ELMO1: variants seen among roughly 807,000 people sequenced by gnomAD.
ELMO1 encodes the protein engulfment and cell motility protein 1.
ELMO1 carries 26 observed loss-of-function variants against 98.9 expected under a neutral mutation model. That is an observed-to-expected ratio of 0.26 (90% confidence interval 0.19 to 0.36). The LOEUF is 0.36. ELMO1 is among the 10% of genes least tolerant of loss of function. The pLI, the probability that ELMO1 is intolerant of heterozygous loss-of-function variation, is 1.00. For missense variants in ELMO1, 627 were observed against 935.2 expected (o/e 0.67, Z 4.30); for synonymous variants, 346 against 346.0 (o/e 1.00, Z 0.00).
chr7:37,195,121 G>A (rs557773279), intron 13 of ELMO1, among the ~76,000 whole-genome samples: 32 of 152,280 alleles, frequency 2.1e-4, no homozygotes, highest in African/African-American at 7.2e-4. Context: ...CAGGCTCCCT[G>A]TGTCTAGTCT....
At chr7:37,209,228 C>A (rs1009928798) in intron 13 of ELMO1, among the ~76,000 whole-genome samples, 1 of 152,172 alleles carries the variant, frequency 6.6e-6, no homozygotes, top group Non-Finnish European at 1.5e-5. Context: ...CTTCATAGCA[C>A]ACACCCCCAT....
At chr7:37,447,579 G>A (rs574550396) in intron 1 of ELMO1, among the ~76,000 whole-genome samples, 1 of 151,572 alleles carries the variant, frequency 6.6e-6, no homozygotes, top group South Asian at 2.1e-4. Flanking sequence ...TCACTGGGCG[G>A]GGAGTTCCTG....
Position 36,855,315 on chromosome 7 carries a change from C to A in ELMO1, c.*236G>T. 1 of 554,168 alleles carries A rather than the reference C, an allele frequency of 1.8e-6. No individual in the cohort carries two copies. 34.3% of individuals were successfully genotyped at this position (554,168 alleles called of 1,614,324 possible). ...GCTTTGCTCTTGTCCCACCAGTGGA[C>A]TGCAGCCATGGGAAGTGACCTGAAG... is the stretch of plus-strand genomic sequence containing the variant. On this transcript the variant is annotated 3_prime_UTR_variant, in exon 22 of 22. Transcript: ENST00000310758. This position sits in a 1 kb window ranked among gnomAD's most constrained non-coding sequence, Gnocchi z 4.2.
chr7:36,927,446 G>C (rs750733814), intron 16 of ELMO1, among the ~76,000 whole-genome samples: 1 of 152,202 alleles, frequency 6.6e-6, no homozygotes, highest in Non-Finnish European at 1.5e-5. Context: ...TTATTCCATG[G>C]AATATAATTT....
rs1792959791 is a variant in ELMO1, at chr7:37,211,375, A to G, written c.1086+11T>C. ...TGGAGGGAGAGCGCATACTGGAGAT[A>G]GCTTACTTACAATGAACCCAAGCTT... is the stretch of plus-strand genomic sequence containing the variant. On this transcript the variant is annotated intron_variant, in intron 13 of 21. Coordinates refer to ENST00000310758, the MANE Select transcript of ELMO1 (RefSeq NM_014800.11). 6.2e-7 allele frequency: 1 copy of G among 1,613,822 alleles called. No individual in the cohort carries two copies. Among genetic ancestry groups the G allele is most frequent in the Non-Finnish European group, 8.5e-7 (1 of 1,179,896 alleles).
chr7:37,301,993 T>G (rs1254313751), intron 4 of ELMO1, among the ~76,000 whole-genome samples: 2 of 152,208 alleles, frequency 1.3e-5, no homozygotes, highest in Non-Finnish European at 2.9e-5. Flanking sequence ...AAAGACACAG[T>G]TTAACCTTCG....
chr7:37,168,843 C>G (rs1351296670), intron 13 of ELMO1, among the ~76,000 whole-genome samples: 1 of 152,214 alleles, frequency 6.6e-6, no homozygotes, highest in Non-Finnish European at 1.5e-5. Flanking sequence ...CAGCTGCGTG[C>G]TGGGAGAACC....
At chr7:37,338,439 C>A (rs1299298483) in intron 2 of ELMO1, among the ~76,000 whole-genome samples, 1 of 152,150 alleles carries the variant, frequency 6.6e-6, no homozygotes, top group East Asian at 1.9e-4. Context: ...TCATCACACA[C>A]CACATCCACT....
At chr7:37,134,572 A>G (rs966490430) in intron 13 of ELMO1, among the ~76,000 whole-genome samples, 1 of 151,734 alleles carries the variant, frequency 6.6e-6, no homozygotes, top group Non-Finnish European at 1.5e-5. Flanking sequence ...AAAAAAAAAA[A>G]AAAGAAGAAA....
At chr7:37,388,019 A>G (rs1208652267) in intron 1 of ELMO1, among the ~76,000 whole-genome samples, 1 of 152,068 alleles carries the variant, frequency 6.6e-6, no homozygotes, top group Non-Finnish European at 1.5e-5. Context: ...TTTTTTGTAG[A>G]GATGGGATCT....
chr7:36,947,443 A>C (rs909449599), intron 16 of ELMO1, among the ~76,000 whole-genome samples: 12 of 152,072 alleles, frequency 7.9e-5, no homozygotes, highest in Admixed American at 4.6e-4. Context: ...TCTCCATCAC[A>C]ACCTATCAAC....
chr7:37,193,821 C>T (rs975497141), intron 13 of ELMO1, among the ~76,000 whole-genome samples: 2 of 152,204 alleles, frequency 1.3e-5, no homozygotes, highest in Non-Finnish European at 2.9e-5. Flanking sequence ...TGAGCACACA[C>T]ATGCACACAC....
chr7:37,183,339 A>G (rs1425909367), intron 13 of ELMO1, among the ~76,000 whole-genome samples: 3 of 152,256 alleles, frequency 2.0e-5, no homozygotes, highest in African/African-American at 7.2e-5. Context: ...TATGTGGTAA[A>G]TAACATTGTT....
At chr7:37,293,042 G>T (rs1432859656) in intron 4 of ELMO1, among the ~76,000 whole-genome samples, 1 of 45,110 alleles carries the variant, frequency 2.2e-5, no homozygotes, top group African/African-American at 6.0e-5. Flanking sequence ...CGGGAGGGAG[G>T]TGGGGGGGTC....
At chr7:37,182,232 C>T (rs1466902126) in intron 13 of ELMO1, among the ~76,000 whole-genome samples, 1 of 152,124 alleles carries the variant, frequency 6.6e-6, no homozygotes, top group African/African-American at 2.4e-5. Context: ...GCTTCACATC[C>T]TCTCAGAGTT....
chr7:37,364,369 C>A (rs1427088058), intron 1 of ELMO1, among the ~76,000 whole-genome samples: 1 of 152,176 alleles, frequency 6.6e-6, no homozygotes, highest in African/African-American at 2.4e-5. Context: ...CAGTTTCAGA[C>A]AACAAGCAAG....
intron 1 of ELMO1, among the ~76,000 whole-genome samples, chr7:37,404,511 T>C (rs1277593114): frequency 6.6e-6 from 1 of 152,172 alleles, no homozygotes; most frequent in African/African-American, 2.4e-5. Context: ...TTTAGATGCT[T>C]CTCCATGTTA....
chr7:37,343,820 A>T (rs1219770065), intron 1 of ELMO1, among the ~76,000 whole-genome samples: 1 of 152,076 alleles, frequency 6.6e-6, no homozygotes, highest in African/African-American at 2.4e-5. Flanking sequence ...CATGTGATAC[A>T]AACTTGTGTG....
At chr7:37,054,536 T>C (rs1395536786) in intron 15 of ELMO1, among the ~76,000 whole-genome samples, 1 of 152,232 alleles carries the variant, frequency 6.6e-6, no homozygotes, top group Non-Finnish European at 1.5e-5. Flanking sequence ...GGGTTAGTAA[T>C]AATAGGTGAA....
Sources: gnomAD v4.1 joint callset for allele counts (sites outside exome capture counted in the v4.1 genomes callset) on GRCh38, gnomAD v4.1.1 for gene constraint, Gnocchi (gnomAD v3.1) non-coding constraint, MANE v1.5 for transcripts, NCBI Gene and HGNC (gene_info 2026-07-23, HGNC 2026-07-21) for gene names.